The following COL26A1 variants were observed in gnomAD, a reference collection of about 807,000 sequenced individuals.
COL26A1 encodes the protein collagen type XXVI alpha 1 chain, also known as collagen alpha-1(XXVI) chain.
In COL26A1, 41 loss-of-function variants were observed where a neutral mutation model predicts 59.3. That is an observed-to-expected ratio of 0.69 (90% CI 0.54 to 0.90). COL26A1 has a LOEUF of 0.90. Ranked by LOEUF, COL26A1 falls within the 40% of genes least tolerant of loss-of-function variation. The pLI, the probability that COL26A1 is intolerant of heterozygous loss-of-function variation, is 0.00. For synonymous variants in COL26A1, 266 were observed against 256.0 expected (o/e 1.04, Z -0.37); for missense variants, 612 against 602.3 (o/e 1.02, Z -0.17).
chr7:101,400,321 C>A (rs989533512), intron 1 of COL26A1, among the ~76,000 whole-genome samples: 31 of 150,888 alleles, frequency 2.1e-4, no homozygotes, highest in African/African-American at 7.5e-4. Context: ...CCCTTCCAGA[C>A]CTCAGTCCAC....
chr7:101,415,662 G>C (rs1792355148), intron 1 of COL26A1, among the ~76,000 whole-genome samples: 1 of 151,406 alleles, frequency 6.6e-6, no homozygotes, highest in South Asian at 2.1e-4. Flanking sequence ...ACAGGGTCTG[G>C]CTCTGTCATC....
At chr7:101,434,654 C>G (rs938240872) in intron 2 of COL26A1, among the ~76,000 whole-genome samples, 5 of 151,946 alleles carry the variant, frequency 3.3e-5, no homozygotes, top group African/African-American at 1.2e-4. Flanking sequence ...AACTAACGCT[C>G]ACTAGTGAGC....
intron 2 of COL26A1, among the ~76,000 whole-genome samples, chr7:101,439,244 T>C (rs959760639): frequency 6.6e-6 from 1 of 151,848 alleles, no homozygotes; most frequent in African/African-American, 2.4e-5. Context: ...CGATTGATAG[T>C]GATATGTACC....
At chr7:101,399,303 C>T (rs1791936339) in intron 1 of COL26A1, among the ~76,000 whole-genome samples, 1 of 151,690 alleles carries the variant, frequency 6.6e-6, no homozygotes, top group African/African-American at 2.4e-5. Context: ...GACACTCTGT[C>T]CAAAAATTTT....
At chr7:101,400,228 C>T (rs1247037973) in intron 1 of COL26A1, among the ~76,000 whole-genome samples, 1 of 152,108 alleles carries the variant, frequency 6.6e-6, no homozygotes, top group Admixed American at 6.6e-5. Flanking sequence ...AGAGGCATGG[C>T]TCAGCCTAGG....
chr7:101,490,177 C>A (rs966605565), intron 3 of COL26A1, among the ~76,000 whole-genome samples: 3 of 151,608 alleles, frequency 2.0e-5, no homozygotes, highest in African/African-American at 7.3e-5. Flanking sequence ...ACCTCGTGAT[C>A]TGCCCGCCTC....
At chr7:101,532,342 C>T (rs537565158) in intron 3 of COL26A1, among the ~76,000 whole-genome samples, 203 of 152,174 alleles carry the variant, frequency 1.3e-3, no homozygotes, top group Non-Finnish European at 9.1e-4. Context: ...CTCCAGTGAC[C>T]TACAGACACT....
At chr7:101,493,982 A>G (rs1391782154) in intron 3 of COL26A1, among the ~76,000 whole-genome samples, 1 of 152,018 alleles carries the variant, frequency 6.6e-6, no homozygotes, top group East Asian at 1.9e-4. Context: ...TTCCTAACGC[A>G]AACAGCAAGA....
At chr7:101,402,910 A>G (rs567893815) in intron 1 of COL26A1, among the ~76,000 whole-genome samples, 2 of 150,896 alleles carry the variant, frequency 1.3e-5, no homozygotes, top group South Asian at 4.2e-4. Context: ...TGGTGGTGCA[A>G]TCTCAGCTCA....
chr7:101,390,319 G>A (rs1244838135), intron 1 of COL26A1, among the ~76,000 whole-genome samples: 1 of 151,778 alleles, frequency 6.6e-6, no homozygotes, highest in Admixed American at 6.6e-5. Context: ...CCTGTAATGG[G>A]GTTTCACCGT....
In COL26A1 at chr7:101,557,628, C is replaced by G; in HGVS notation, c.*98C>G. The G allele has an allele frequency of 8.0e-7, 1 of 1,245,414 alleles. No homozygotes were observed. The highest frequency in any genetic ancestry group is 1.1e-6 in the Non-Finnish European group (1 of 908,700). The allele number at this position is 1,245,414 out of a possible 1,614,324, so 77.1% of individuals were successfully genotyped here. A position where few individuals can be genotyped will look rare whatever the true frequency, so the allele number is the denominator to read the frequency against. On this transcript the variant is annotated 3_prime_UTR_variant, in exon 13 of 13. Coordinates refer to ENST00000313669, the MANE Select transcript of COL26A1 (RefSeq NM_001278563.3). ...TAAAGATGCCCCCAGGGGAACTGGG[C>G]TCCAGGCATGGATGATTGTGAGGAC...
At chr7:101,489,822 CTTTCTTTCTTTCTTTCTTTCTTTCTT>C (rs1240228319) in intron 3 of COL26A1, among the ~76,000 whole-genome samples, 1 of 7,052 alleles carries the variant, frequency 1.4e-4, no homozygotes, top group Non-Finnish European at 2.4e-4. Flanking sequence ...TTCTTTCTTT[CTTTCTTTCTTTCTTTCTTTCTTTCTT>C]TCTTTCTTTC....
Position 101,420,007 on chromosome 7 carries a change from G to C in COL26A1, c.189G>C (p.Thr63=). 6.2e-7 allele frequency: 1 copy of C among 1,613,726 alleles called. No individual in the cohort carries two copies. Among genetic ancestry groups the C allele is most frequent in the Non-Finnish European group, 8.5e-7 (1 of 1,179,848 alleles). ...GGTGCCATCACACAGTGACACGGAC[G>C]GTGTCCTGCCAGGTGCAGAATGGCT... ...RHWCHHTVTR[T]VSCQVQNGSE... Residue 63 remains threonine, a synonymous_variant, in exon 2 of 13, where the codon ACG becomes ACC. Coordinates refer to ENST00000313669, the MANE Select transcript of COL26A1 (RefSeq NM_001278563.3).
intron 3 of COL26A1, among the ~76,000 whole-genome samples, chr7:101,520,197 C>T (rs893758199): frequency 1.3e-5 from 2 of 152,078 alleles, no homozygotes; most frequent in Non-Finnish European, 2.9e-5. Flanking sequence ...TCCAGAAGTC[C>T]CCCCGGAGCA....
chr7:101,424,187 C>T lies in COL26A1; in HGVS notation c.281+4088C>T, dbSNP rs540503120. Among the ~76,000 whole-genome samples, 20 of 152,120 alleles carry T rather than the reference C, an allele frequency of 1.3e-4. No individual in the cohort carries two copies. The South Asian group carries it at 3.3e-3, about 25-fold the overall frequency. On this transcript the variant is annotated intron_variant, in intron 2 of 12. Coordinates refer to ENST00000313669, the MANE Select transcript of COL26A1 (RefSeq NM_001278563.3). ...CTGTACTCCAGCCTGGGCGACAGAG[C>T]GAGACCGTGTCTGAAAATAAATAAA...
At chr7:101,446,979 G>T (rs910070110) in intron 2 of COL26A1, among the ~76,000 whole-genome samples, 3 of 152,058 alleles carry the variant, frequency 2.0e-5, no homozygotes, top group Non-Finnish European at 2.9e-5. Context: ...AAGACAATTT[G>T]GTGGGTAGAG....
chr7:101,507,076 G>A (rs1055816771), intron 3 of COL26A1, among the ~76,000 whole-genome samples: 1 of 151,994 alleles, frequency 6.6e-6, no homozygotes, highest in Non-Finnish European at 1.5e-5. Context: ...CACCACGCCT[G>A]GCTAATTTTC....
chr7:101,522,832 A>C (rs1795166653), intron 3 of COL26A1, among the ~76,000 whole-genome samples: 2 of 152,138 alleles, frequency 1.3e-5, no homozygotes, highest in South Asian at 4.1e-4. Flanking sequence ...AAAAAAAAAA[A>C]AAAGAGTAAC....
intron 9 of COL26A1, among the ~76,000 whole-genome samples, chr7:101,549,977 A>C (rs1487264815): frequency 6.6e-6 from 1 of 152,206 alleles, no homozygotes; most frequent in Non-Finnish European, 1.5e-5. Flanking sequence ...GAAGTCAGGA[A>C]GAGCAGGTAC....
Sources: allele counts gnomAD v4.1 joint callset (sites outside exome capture counted in the v4.1 genomes callset), GRCh38; gene constraint gnomAD v4.1.1; transcripts MANE v1.5; gene names NCBI Gene and HGNC (gene_info 2026-07-23, HGNC 2026-07-21).